RSPH10B: variants seen among roughly 807,000 people sequenced by gnomAD.
RSPH10B encodes radial spoke head 10 homolog B (Chlamydomonas).
Under a neutral mutation model 52.5 loss-of-function variants are expected in RSPH10B, and 7 were observed. The observed-to-expected ratio is 0.13, with a 90% CI of 0.08 to 0.25. RSPH10B has a LOEUF of 0.25. Among genes scored for constraint, RSPH10B ranks in the 10% least tolerant of loss-of-function variants. RSPH10B has a pLI of 1.00. For synonymous variants in RSPH10B, 28 were observed against 193.2 expected (o/e 0.14, Z 7.09); for missense variants, 89 against 542.5 (o/e 0.16, Z 8.30).
chr7:5,931,202 G>A (rs1401894195), intron 17 of RSPH10B, among the ~76,000 whole-genome samples: 3 of 146,004 alleles, frequency 2.1e-5, no homozygotes, highest in East Asian at 4.1e-4. Flanking sequence ...AAAGTTCTGG[G>A]ATTACAAGTG....
At chr7:5,956,926 C>T (rs1422505595) in intron 6 of RSPH10B, among the ~76,000 whole-genome samples, 3 of 89,628 alleles carry the variant, frequency 3.3e-5, no homozygotes, top group Non-Finnish European at 5.0e-5. Flanking sequence ...GTAATCCCAA[C>T]GCTTTGAGAG....
chr7:5,929,620 T>C (rs1156895930), intron 17 of RSPH10B, among the ~76,000 whole-genome samples: 1 of 5,216 alleles, frequency 1.9e-4, no homozygotes, highest in Non-Finnish European at 3.7e-4. Flanking sequence ...CTAGTAGTTA[T>C]AGTTATCCCT....
intron 16 of RSPH10B, among the ~76,000 whole-genome samples, chr7:5,933,730 G>A (rs1461318421): frequency 7.6e-6 from 1 of 131,280 alleles, no homozygotes; most frequent in East Asian, 2.3e-4. Context: ...TCGCACCACT[G>A]CACTCCAGCC....
At chr7:5,927,080 G>GTATATA (rs1318346000) in intron 18 of RSPH10B, among the ~76,000 whole-genome samples, 2 of 132,138 alleles carry the variant, frequency 1.5e-5, no homozygotes, top group Non-Finnish European at 3.3e-5. Flanking sequence ...ATGTGTGTGT[G>GTATATA]TGTGTGTGTG....
At chr7:5,927,084 G>GTA (rs1164900886) in intron 18 of RSPH10B, among the ~76,000 whole-genome samples, 2 of 106,542 alleles carry the variant, frequency 1.9e-5, no homozygotes, top group African/African-American at 7.5e-5. Context: ...GTGTGTGTGT[G>GTA]TGTGTGTGTG....
At chr7:5,965,913 GTTTT>G (rs1781090475) in intron 1 of RSPH10B, among the ~76,000 whole-genome samples, 1 of 120,242 alleles carries the variant, frequency 8.3e-6, no homozygotes, top group African/African-American at 3.2e-5. Flanking sequence ...GCGTTTCGGG[GTTTT>G]TTTGTTTGTT....
intron 13 of RSPH10B, among the ~76,000 whole-genome samples, chr7:5,939,593 C>CACACACAA (rs1452913183): frequency 1.6e-4 from 10 of 60,938 alleles, no homozygotes; most frequent in African/African-American, 8.3e-4. Context: ...CAAACACACA[C>CACACACAA]ACACACACAC....
intron 18 of RSPH10B, among the ~76,000 whole-genome samples, chr7:5,927,803 G>A (rs1779581250): frequency 6.8e-6 from 1 of 146,200 alleles, no homozygotes; most frequent in Non-Finnish European, 1.5e-5. Context: ...AGGCGTGGTG[G>A]TGCATGCTTC....
intron 1 of RSPH10B, among the ~76,000 whole-genome samples, chr7:5,966,315 G>T (rs1583253970): frequency 1.0e-5 from 1 of 97,410 alleles, no homozygotes; most frequent in East Asian, 2.5e-4. Context: ...AATTAAGATA[G>T]TACATTTTGT....
At chr7:5,931,410 C>A (rs992891315) in intron 17 of RSPH10B, among the ~76,000 whole-genome samples, 1 of 151,374 alleles carries the variant, frequency 6.6e-6, no homozygotes, top group African/African-American at 2.4e-5. Context: ...AGTGGGCGGC[C>A]GGCCATAGAG....
At chr7:5,961,675 G>GT (rs370208150) in intron 3 of RSPH10B, among the ~76,000 whole-genome samples, 2,276 of 12,278 alleles carry the variant, frequency 0.19, 35 homozygotes, top group Middle Eastern at 0.26. Flanking sequence ...TTTTGTTGTT[G>GT]TTTTTTTGTT....
intron 18 of RSPH10B, among the ~76,000 whole-genome samples, chr7:5,926,772 CAG>C (rs1322518033): frequency 1.6e-5 from 2 of 126,422 alleles, no homozygotes; most frequent in Admixed American, 7.8e-5. Context: ...TTTCTCGAGA[CAG>C]ACAGAGTTTC....
At chr7:5,965,936 AT>A (rs1302684257) in intron 1 of RSPH10B, among the ~76,000 whole-genome samples, 3 of 113,364 alleles carry the variant, frequency 2.6e-5, no homozygotes, top group Non-Finnish European at 5.5e-5. Flanking sequence ...TTTTTTGGGG[AT>A]TTTTTTTGAG....
intron 13 of RSPH10B, among the ~76,000 whole-genome samples, chr7:5,941,848 T>C (rs1780208793): frequency 1.4e-5 from 2 of 146,764 alleles, no homozygotes; most frequent in Admixed American, 6.9e-5. Flanking sequence ...AAATTCCTTT[T>C]TCGATAAACT....
chr7:5,933,736 C>T (rs1442626761), intron 16 of RSPH10B, among the ~76,000 whole-genome samples: 1 of 127,260 alleles, frequency 7.9e-6, no homozygotes, highest in African/African-American at 3.0e-5. Context: ...CACTGCACTC[C>T]AGCCTGGGCG....
chr7:5,928,337 T>C (rs1188015509), exon 18 of RSPH10B: 1 of 1,613,158 alleles, frequency 6.2e-7, no homozygotes, highest in East Asian at 2.2e-5. Context: ...GACGTACATA[T>C]TATTGACCCA....
chr7:5,927,047 ATTATGTGTGTGTGTGTGTG>A (rs1355713820), intron 18 of RSPH10B, among the ~76,000 whole-genome samples: 152 of 51,488 alleles, frequency 3.0e-3, no homozygotes, highest in Middle Eastern at 0.013. Context: ...GTGTGTGTGT[ATTATGTGTGTGTGTGTGTG>A]TATATGTGTG....
intron 17 of RSPH10B, among the ~76,000 whole-genome samples, chr7:5,930,824 G>A (rs367888612): frequency 3.2e-3 from 87 of 26,800 alleles, no homozygotes; most frequent in African/African-American, 0.013. Flanking sequence ...CCCCCAAGAT[G>A]CCTAGCAGCA....
intron 13 of RSPH10B, among the ~76,000 whole-genome samples, chr7:5,940,257 GT>G (rs529544244): frequency 0.15 from 4,616 of 30,372 alleles, 189 homozygotes; most frequent in Admixed American, 0.25. Flanking sequence ...AGGTTTCAAT[GT>G]TTTTTTTTTT....
Sources: gnomAD v4.1 joint callset for allele counts (sites outside exome capture counted in the v4.1 genomes callset) on GRCh38, gnomAD v4.1.1 for gene constraint, MANE v1.5 for transcripts, NCBI Gene and HGNC (gene_info 2026-07-23, HGNC 2026-07-21) for gene names.